PCDH11Y: variants seen among roughly 807,000 people sequenced by gnomAD.
PCDH11Y encodes the protein protocadherin-11 Y-linked.
For missense variants in PCDH11Y, 12 were observed against 224.8 expected (o/e 0.05, Z 6.05); for synonymous variants, 9 against 83.6 (o/e 0.11, Z 4.87).
At chrY:5,065,739 C>G in intron 1 of PCDH11Y, among the ~76,000 whole-genome samples, 5 of 31,870 alleles carry the variant, frequency 1.6e-4, no homozygotes, top group African/African-American at 3.7e-4. Context: ...CTTCCACTTA[C>G]CCTCTTTGGC....
intron 2 of PCDH11Y, among the ~76,000 whole-genome samples, chrY:5,242,895 C>A: frequency 3.0e-5 from 1 of 33,673 alleles, no homozygotes; most frequent in East Asian, 7.8e-4. Context: ...ATATTAACAT[C>A]TGCAAAATCT....
At chrY:5,062,588 G>A in intron 1 of PCDH11Y, among the ~76,000 whole-genome samples, 3 of 33,048 alleles carry the variant, frequency 9.1e-5, no homozygotes, top group Non-Finnish European at 7.5e-5. Flanking sequence ...TATTAATGCT[G>A]TCAGGTCTTA....
chrY:5,195,738 G>A lies in PCDH11Y; in HGVS notation c.3129+95031G>A, dbSNP rs200546701. ...GATCTTCTTCTTCAAAAGGAGCAGA[G>A]AATTCATTTATGTGTACCTGGGGTC... On this transcript the variant is annotated intron_variant, in intron 2 of 4. Transcript: ENST00000400457. Among the ~76,000 whole-genome samples, 39 of 32,883 alleles carry A rather than the reference G, an allele frequency of 1.2e-3. No individual in the cohort carries two copies. In the East Asian group the frequency reaches 0.029, roughly 25 times the overall value. 88.2% of individuals were successfully genotyped at this position (32,883 alleles called of 37,273 possible).
chrY:5,675,145 T>G, intron 4 of PCDH11Y, among the ~76,000 whole-genome samples: 2 of 33,748 alleles, frequency 5.9e-5, no homozygotes, highest in Admixed American at 5.4e-4. Flanking sequence ...CTCAGGAAAC[T>G]TACAATTATG....
chrY:5,006,046 G>A, intron 1 of PCDH11Y, among the ~76,000 whole-genome samples: 1 of 28,513 alleles, frequency 3.5e-5, no homozygotes, highest in Non-Finnish European at 8.3e-5. Context: ...TTTTCCTTTG[G>A]TTGTGGCTGG....
intron 2 of PCDH11Y, among the ~76,000 whole-genome samples, chrY:5,406,385 T>C: frequency 6.0e-5 from 2 of 33,103 alleles, no homozygotes; most frequent in Non-Finnish European, 7.5e-5. Flanking sequence ...CAACCTAATA[T>C]GCATAAAGTA....
At chrY:5,472,430 A>G (rs2053314898) in intron 2 of PCDH11Y, among the ~76,000 whole-genome samples, 2 of 31,803 alleles carry the variant, frequency 6.3e-5, no homozygotes, top group Admixed American at 5.8e-4. Context: ...GGCCACTACA[A>G]ATTCATACTT....
chrY:5,675,502 A>G, intron 4 of PCDH11Y, among the ~76,000 whole-genome samples: 1 of 33,424 alleles, frequency 3.0e-5, no homozygotes, highest in Non-Finnish European at 7.4e-5. Context: ...GCATTAACCC[A>G]AAAGTCCAAG....
intron 4 of PCDH11Y, among the ~76,000 whole-genome samples, chrY:5,660,252 C>T: frequency 3.1e-5 from 1 of 31,940 alleles, no homozygotes; most frequent in Non-Finnish European, 7.6e-5. Flanking sequence ...CAAGCACTCT[C>T]TTAGCTGCCC....
At chrY:5,058,516 A>G in intron 1 of PCDH11Y, among the ~76,000 whole-genome samples, 2 of 28,149 alleles carry the variant, frequency 7.1e-5, no homozygotes, top group African/African-American at 2.8e-4. Context: ...ACATATAAAT[A>G]AGACATTCTG....
At chrY:5,388,703 C>G in intron 2 of PCDH11Y, among the ~76,000 whole-genome samples, 1 of 33,581 alleles carries the variant, frequency 3.0e-5, no homozygotes, top group Non-Finnish European at 7.3e-5. Context: ...CCACCATCTT[C>G]TCTCTCTGCA....
At chrY:5,012,902 T>G (rs1439933915) in intron 1 of PCDH11Y, among the ~76,000 whole-genome samples, 41 of 26,614 alleles carry the variant, frequency 1.5e-3, no homozygotes, top group Non-Finnish European at 3.1e-3. Context: ...CAGGCTGGAG[T>G]GCAGTGGTGT....
intron 2 of PCDH11Y, among the ~76,000 whole-genome samples, chrY:5,244,253 G>A: frequency 3.0e-5 from 1 of 33,730 alleles, no homozygotes; most frequent in Non-Finnish European, 7.3e-5. Flanking sequence ...GAATCACTGG[G>A]ACACAGCGAA....
At chrY:5,722,852 T>C in intron 4 of PCDH11Y, among the ~76,000 whole-genome samples, 1 of 33,531 alleles carries the variant, frequency 3.0e-5, no homozygotes, top group African/African-American at 1.1e-4. Flanking sequence ...AGATAGTAAT[T>C]TGAAACCACA....
intron 2 of PCDH11Y, among the ~76,000 whole-genome samples, chrY:5,351,731 C>G: frequency 6.2e-5 from 2 of 32,320 alleles, no homozygotes; most frequent in Non-Finnish European, 1.5e-4. Flanking sequence ...TACTAGTAAA[C>G]ATATATGTTT....
At chrY:5,626,556 C>A in intron 4 of PCDH11Y, among the ~76,000 whole-genome samples, 1 of 32,564 alleles carries the variant, frequency 3.1e-5, no homozygotes, top group Non-Finnish European at 7.5e-5. Context: ...ATAAAAGTTC[C>A]TTTTAACATT....
intron 2 of PCDH11Y, among the ~76,000 whole-genome samples, chrY:5,164,298 G>GA (rs2052877212): frequency 3.1e-5 from 1 of 31,945 alleles, no homozygotes; most frequent in African/African-American, 1.2e-4. Flanking sequence ...CAAAGTGTTG[G>GA]AATTATAGGT....
chrY:5,046,786 C>T (rs1602849271), intron 3 of PCDH11Y, among the ~76,000 whole-genome samples: 4 of 33,438 alleles, frequency 1.2e-4, no homozygotes, highest in Non-Finnish European at 2.2e-4. Flanking sequence ...TAGGACCCTC[C>T]GAGCCAGGTG....
At chrY:5,442,780 T>A in intron 2 of PCDH11Y, among the ~76,000 whole-genome samples, 1 of 32,593 alleles carries the variant, frequency 3.1e-5, no homozygotes, top group Non-Finnish European at 7.6e-5. Flanking sequence ...AAAGGGAGTA[T>A]TAATATTTAT....
Sources: allele counts gnomAD v4.1 joint callset (sites outside exome capture counted in the v4.1 genomes callset), GRCh38; gene constraint gnomAD v4.1.1; transcripts MANE v1.5; gene names NCBI Gene and HGNC (gene_info 2026-07-23, HGNC 2026-07-21).